ADCY9: variants seen among roughly 807,000 people sequenced by gnomAD.
The protein encoded by ADCY9 is adenylate cyclase type 9.
A neutral mutation model predicts 101.5 loss-of-function variants in ADCY9; 50 were observed. That is an observed-to-expected ratio of 0.49 (90% CI 0.39 to 0.62). The LOEUF is 0.62. Ranked by LOEUF, ADCY9 falls within the 20% of genes least tolerant of loss-of-function variation. The pLI is 0.00. For synonymous variants in ADCY9, 905 were observed against 769.3 expected (o/e 1.18, Z -2.92); for missense variants, 1,662 against 1,800.4 (o/e 0.92, Z 1.39).
intron 2 of ADCY9, among the ~76,000 whole-genome samples, chr16:4,074,520 A>C (rs979787141): frequency 6.7e-6 from 1 of 149,442 alleles, no homozygotes; most frequent in Non-Finnish European, 1.5e-5. Flanking sequence ...CATAGTGAGG[A>C]TCTGCCTCCG....
rs1228138735 is a variant in ADCY9 at position 4,014,456 on chromosome 16, G to GT, written c.1694-6899dup. ...TGCTTAACCAAAAAAAAATTTTTTT[G>GT]TTTTTTTTTGAGACAGAGTCTTGCT... On this transcript the variant is annotated intron_variant, in intron 2 of 10. Transcript: ENST00000294016. Among the ~76,000 whole-genome samples the GT allele has an allele frequency of 3.7e-4, 56 of 149,688 alleles. No homozygotes were observed. The Middle Eastern group carries it at 0.01, about 28-fold the overall frequency.
intron 2 of ADCY9, among the ~76,000 whole-genome samples, chr16:4,026,946 G>C (rs574129540): frequency 6.6e-6 from 1 of 152,172 alleles, no homozygotes; most frequent in Non-Finnish European, 1.5e-5. Flanking sequence ...TTTGCACCTC[G>C]TGGCAGATGA....
chr16:4,047,690 G>C (rs1419376494), intron 2 of ADCY9, among the ~76,000 whole-genome samples: 1 of 152,166 alleles, frequency 6.6e-6, no homozygotes, highest in African/African-American at 2.4e-5. Flanking sequence ...AGGTCCTTTG[G>C]TTGAAATCCA....
rs1238774018 is a variant in ADCY9 at position 4,115,985 on chromosome 16, C to T, written c.-339G>A. 11 of 259,342 alleles carry T rather than the reference C, an allele frequency of 4.2e-5. No individual in the cohort carries two copies. Among genetic ancestry groups the T allele is most frequent in the Non-Finnish European group, 8.0e-5 (11 of 137,780 alleles). 16.1% of individuals were successfully genotyped at this position (259,342 alleles called of 1,614,324 possible). Reference sequence around the variant, plus strand: ...CGCGGCCGGCCCCGGGCCCGGACCCCGACCCGGAGCAGCGAGCTTCGGCGG... The same window carrying T: ...CGCGGCCGGCCCCGGGCCCGGACCCTGACCCGGAGCAGCGAGCTTCGGCGG... On this transcript the variant is annotated 5_prime_UTR_variant, in exon 1 of 11. Transcript: ENST00000294016. This position sits in a 1 kb window ranked among gnomAD's most constrained non-coding sequence, Gnocchi z 6.2.
At chr16:4,041,725 T>C (rs938911766) in intron 2 of ADCY9, among the ~76,000 whole-genome samples, 6 of 151,300 alleles carry the variant, frequency 4.0e-5, no homozygotes, top group Admixed American at 1.3e-4. Flanking sequence ...GTCTAAACAA[T>C]TTTTTGTTTT....
Position 4,115,038 on chromosome 16 carries a change from C to A in ADCY9, c.405G>T (p.Ala135=), listed in dbSNP as rs747338775. 6.2e-6 allele frequency: 10 copies of A among 1,614,080 alleles called. No homozygotes were observed. The highest frequency in any genetic ancestry group is 7.6e-6 in the Non-Finnish European group (9 of 1,180,038). ...CGATCAGTCTGGATCTCATGTGGACCGCAAAATAGATGCTCCACAGAAGGC... is the reference window on the plus strand; with the variant it reads ...CGATCAGTCTGGATCTCATGTGGACAGCAAAATAGATGCTCCACAGAAGGC... ...FACLLWSIYF[A]VHMRSRLIVM... is the part of the protein sequence containing the mutation. Residue 135 remains alanine, a synonymous_variant, in exon 2 of 11, where the codon GCG becomes GCT. Transcript: ENST00000294016. This position sits in a 1 kb window ranked among gnomAD's most constrained non-coding sequence, Gnocchi z 6.2.
At chr16:4,023,344 G>A (rs1226508319) in intron 2 of ADCY9, among the ~76,000 whole-genome samples, 1 of 152,200 alleles carries the variant, frequency 6.6e-6, no homozygotes, top group Non-Finnish European at 1.5e-5. Context: ...AAAGCTTCCT[G>A]CAATAGAGAA....
intron 2 of ADCY9, among the ~76,000 whole-genome samples, chr16:4,093,840 C>T (rs2056987387): frequency 6.6e-6 from 1 of 152,148 alleles, no homozygotes; most frequent in Non-Finnish European, 1.5e-5. Flanking sequence ...GCTGCTATTA[C>T]TTGTTCAGGA....
chr16:4,106,625 T>C (rs929268735), intron 2 of ADCY9, among the ~76,000 whole-genome samples: 1 of 152,160 alleles, frequency 6.6e-6, no homozygotes, highest in Non-Finnish European at 1.5e-5. Flanking sequence ...AGAATTCTAA[T>C]GGTGAATGAT....
At chr16:3,984,514 A>G (rs924360136) in intron 6 of ADCY9, among the ~76,000 whole-genome samples, 1 of 152,186 alleles carries the variant, frequency 6.6e-6, no homozygotes, top group South Asian at 2.1e-4. Flanking sequence ...GGCACCCCAC[A>G]GGCAGGAACT....
chr16:4,093,551 CTTT>C lies in ADCY9; in HGVS notation c.1693+20196_1693+20198del, dbSNP rs901284916. ...AGTAATAAAAGATTTTATCATTCAA[CTTT>C]TTTTTTGTCTCTACATAAAAAAAGT... On this transcript the variant is annotated intron_variant, in intron 2 of 10. Coordinates refer to ENST00000294016, the MANE Select transcript of ADCY9 (RefSeq NM_001116.4). Among the ~76,000 whole-genome samples, 5 of 151,496 alleles carry C rather than the reference CTTT, an allele frequency of 3.3e-5. No homozygotes were observed. In the South Asian group the frequency reaches 6.3e-4, roughly 19 times the overall value.
chr16:4,037,135 A>T (rs2056595533), intron 2 of ADCY9, among the ~76,000 whole-genome samples: 1 of 151,994 alleles, frequency 6.6e-6, no homozygotes, highest in Admixed American at 6.6e-5. Context: ...TGGGCAACAT[A>T]GTGAGACCCC....
At chr16:4,058,072 T>C (rs1245802096) in intron 2 of ADCY9, among the ~76,000 whole-genome samples, 1 of 150,396 alleles carries the variant, frequency 6.6e-6, no homozygotes, top group Non-Finnish European at 1.5e-5. Flanking sequence ...GGCAGAAGAA[T>C]CGCTTGAACC....
chr16:4,053,100 T>A (rs571031282), intron 2 of ADCY9, among the ~76,000 whole-genome samples: 12 of 152,334 alleles, frequency 7.9e-5, no homozygotes, highest in African/African-American at 2.9e-4. Context: ...ATAGTAAACA[T>A]GTCTTGGAAG....
At chr16:4,102,158 G>A (rs1052083027) in intron 2 of ADCY9, among the ~76,000 whole-genome samples, 1 of 152,114 alleles carries the variant, frequency 6.6e-6, no homozygotes, top group Non-Finnish European at 1.5e-5. Context: ...TTGATGGAAT[G>A]GCTGTCCACC....
chr16:3,984,444 A>C (rs532606262), intron 6 of ADCY9, among the ~76,000 whole-genome samples: 34 of 152,264 alleles, frequency 2.2e-4, no homozygotes, highest in Middle Eastern at 3.4e-3. Context: ...CACGTCCAAG[A>C]GGTGACCAGG....
intron 3 of ADCY9, among the ~76,000 whole-genome samples, chr16:3,995,650 G>C (rs1021203605): frequency 6.6e-6 from 1 of 150,732 alleles, no homozygotes; most frequent in Non-Finnish European, 1.5e-5. Context: ...GCAGCAAGAA[G>C]TGTAAAACAT....
intron 10 of ADCY9, among the ~76,000 whole-genome samples, chr16:3,974,244 C>T (rs970594173): frequency 2.6e-5 from 4 of 151,824 alleles, no homozygotes; most frequent in African/African-American, 9.7e-5. Context: ...CGGGGTTTCA[C>T]CGTGTTAGCC....
In ADCY9 at chr16:3,979,161, C is replaced by T. The variant is rs763728428; in HGVS notation, c.2634G>A (p.Leu878=). ...CGGAGGTGACATGGGAGTAGACGGC[C>T]AGTGCGGGAAGCGACACCAGGATGG... The part of the protein sequence containing the change: ...IGAILVSLPA[L]AVYSHVTSEY... The change falls in exon 8 of 11, where the codon CTG becomes CTA. Residue 878 remains leucine (L), a synonymous_variant. Coordinates refer to ENST00000294016, the MANE Select transcript of ADCY9 (RefSeq NM_001116.4). 12 of 1,614,020 alleles carry T rather than the reference C, an allele frequency of 7.4e-6. No individual in the cohort carries two copies. The South Asian group carries it at 1.1e-4, about 15-fold the overall frequency.
Sources: gnomAD v4.1 joint callset for allele counts (sites outside exome capture counted in the v4.1 genomes callset) on GRCh38, gnomAD v4.1.1 for gene constraint, Gnocchi (gnomAD v3.1) non-coding constraint, MANE v1.5 for transcripts, NCBI Gene and HGNC (gene_info 2026-07-23, HGNC 2026-07-21) for gene names.